Variants in CTNND2 observed in about 807,000 individuals in gnomAD.
The protein encoded by CTNND2 is catenin delta 2.
Under a neutral mutation model 144.4 loss-of-function variants are expected in CTNND2, and 22 were observed. The observed-to-expected ratio is 0.15, with a 90% CI of 0.11 to 0.22. The LOEUF (loss-of-function observed/expected upper bound fraction) is 0.22, where lower values mean the gene tolerates loss of function less well. Among genes scored for constraint, CTNND2 ranks in the 10% least tolerant of loss-of-function variants. The probability of loss-of-function intolerance (pLI) is 1.00; values close to 1 mark genes in which losing one functional copy is unlikely to be tolerated. For missense variants in CTNND2, 1,353 were observed against 1,618.8 expected (o/e 0.84, Z 2.82); for synonymous variants, 751 against 695.6 (o/e 1.08, Z -1.25).
intron 9 of CTNND2, among the ~76,000 whole-genome samples, chr5:11,291,588 G>A (rs996665399): frequency 1.3e-5 from 2 of 152,034 alleles, no homozygotes; most frequent in African/African-American, 4.8e-5. Flanking sequence ...TAGGGGCAGG[G>A]AACTAAACTT....
At chr5:11,172,777 T>C (rs1163742522) in intron 11 of CTNND2, among the ~76,000 whole-genome samples, 1 of 152,030 alleles carries the variant, frequency 6.6e-6, no homozygotes, top group Non-Finnish European at 1.5e-5. Context: ...ACTCATAATA[T>C]CAATTAGGCA....
intron 3 of CTNND2, among the ~76,000 whole-genome samples, chr5:11,564,544 A>G (rs1342884819): frequency 1.3e-5 from 2 of 152,188 alleles, no homozygotes; most frequent in African/African-American, 4.8e-5. Context: ...ATTATGTATT[A>G]GCAAAAACAA....
intron 3 of CTNND2, among the ~76,000 whole-genome samples, chr5:11,501,756 A>G (rs249242): frequency 6.6e-6 from 1 of 151,906 alleles, no homozygotes; most frequent in Non-Finnish European, 1.5e-5. Flanking sequence ...CACCTGTAAT[A>G]CCAGCACTTT....
chr5:11,457,930 T>C (rs1343972727), intron 3 of CTNND2, among the ~76,000 whole-genome samples: 5 of 152,208 alleles, frequency 3.3e-5, no homozygotes, highest in Non-Finnish European at 2.9e-5. Context: ...CGCAAGACAC[T>C]GAAATCTTAC....
At chr5:11,080,842 G>A (rs1488463139) in intron 16 of CTNND2, among the ~76,000 whole-genome samples, 4 of 152,244 alleles carry the variant, frequency 2.6e-5, no homozygotes, top group South Asian at 2.1e-4. Context: ...TTGGGAGGCC[G>A]AGGTGGGTGG....
intron 18 of CTNND2, among the ~76,000 whole-genome samples, chr5:11,011,878 A>G (rs1741128529): frequency 6.6e-6 from 1 of 152,184 alleles, no homozygotes; most frequent in South Asian, 2.1e-4. Flanking sequence ...GCATGGGAGA[A>G]AGGAGAAAGA....
At chr5:11,312,221 C>T (rs1751044829) in intron 9 of CTNND2, among the ~76,000 whole-genome samples, 1 of 150,572 alleles carries the variant, frequency 6.6e-6, no homozygotes, top group South Asian at 2.1e-4. Flanking sequence ...ACACACTCCC[C>T]ATACAGCCTC....
intron 18 of CTNND2, among the ~76,000 whole-genome samples, chr5:11,016,139 A>G (rs1741579147): frequency 6.6e-6 from 1 of 152,204 alleles, no homozygotes; most frequent in South Asian, 2.1e-4. Flanking sequence ...AGGGCTGACT[A>G]ATTTCCATAG....
At chr5:11,074,250 G>A (rs767849081) in intron 16 of CTNND2, among the ~76,000 whole-genome samples, 22 of 152,194 alleles carry the variant, frequency 1.4e-4, no homozygotes, top group Admixed American at 4.6e-4. Context: ...AGCATGAGAC[G>A]CAAAAATAAG....
chr5:11,267,874 G>A (rs26463), intron 9 of CTNND2, among the ~76,000 whole-genome samples: 5 of 152,088 alleles, frequency 3.3e-5, no homozygotes, highest in African/African-American at 7.2e-5. Context: ...GATGTTGAAC[G>A]TGAAGTCATA....
chr5:11,532,999 A>T (rs1262623583), intron 3 of CTNND2, among the ~76,000 whole-genome samples: 2 of 152,218 alleles, frequency 1.3e-5, no homozygotes, highest in African/African-American at 4.8e-5. Flanking sequence ...TCTTTATGAG[A>T]TAATAAAGCA....
At chr5:11,232,725 T>A (rs1316381025) in intron 10 of CTNND2, among the ~76,000 whole-genome samples, 1 of 152,208 alleles carries the variant, frequency 6.6e-6, no homozygotes, top group East Asian at 1.9e-4. Context: ...AGTTAAGACT[T>A]TGGGGATTGT....
intron 9 of CTNND2, among the ~76,000 whole-genome samples, chr5:11,295,585 C>G: frequency 6.6e-6 from 1 of 152,176 alleles, no homozygotes; most frequent in East Asian, 1.9e-4. Flanking sequence ...TCAAAATATA[C>G]TACAAGGCTA....
chr5:11,608,755 C>T (rs138011380), intron 2 of CTNND2, among the ~76,000 whole-genome samples: 47 of 152,276 alleles, frequency 3.1e-4, no homozygotes, highest in African/African-American at 1.1e-3. Context: ...TTATTTTCCA[C>T]AGAGCAAGCA....
chr5:10,983,087 T>C (rs1412024563), intron 20 of CTNND2, among the ~76,000 whole-genome samples: 1 of 151,406 alleles, frequency 6.6e-6, no homozygotes, highest in East Asian at 1.9e-4. Flanking sequence ...TAGTGTTTCA[T>C]AGCACCATAG....
intron 2 of CTNND2, among the ~76,000 whole-genome samples, chr5:11,618,621 T>A (rs183647122): frequency 5.2e-4 from 79 of 152,334 alleles, no homozygotes; most frequent in Admixed American, 4.4e-3. Flanking sequence ...TACTTAAGCC[T>A]CTTATTTTTC....
intron 2 of CTNND2, among the ~76,000 whole-genome samples, chr5:11,644,123 T>C (rs915586644): frequency 2.0e-5 from 3 of 152,132 alleles, no homozygotes; most frequent in African/African-American, 7.2e-5. Flanking sequence ...TTGGCTGTTC[T>C]TCTCCACAGT....
At chr5:11,708,106 G>A (rs1405201683) in intron 2 of CTNND2, among the ~76,000 whole-genome samples, 1 of 151,404 alleles carries the variant, frequency 6.6e-6, no homozygotes, top group Non-Finnish European at 1.5e-5. Flanking sequence ...GAGTTCAGTG[G>A]TGTGTTCTTG....
At chr5:11,061,822 C>T (rs529140790) in intron 16 of CTNND2, among the ~76,000 whole-genome samples, 2 of 152,204 alleles carry the variant, frequency 1.3e-5, no homozygotes, top group South Asian at 4.1e-4. Flanking sequence ...GATTTTCCTG[C>T]CTCAGCCTCT....
Sources: allele counts gnomAD v4.1 joint callset (sites outside exome capture counted in the v4.1 genomes callset), GRCh38; gene constraint gnomAD v4.1.1; transcripts MANE v1.5; gene names NCBI Gene and HGNC (gene_info 2026-07-23, HGNC 2026-07-21).